The following GLYATL2 variants were observed in gnomAD, a reference collection of about 807,000 sequenced individuals.
GLYATL2 encodes the protein glycine-N-acyltransferase like 2, also known as glycine N-acyltransferase-like protein 2.
In GLYATL2, 25 loss-of-function variants were observed where a neutral mutation model predicts 21.4. The ratio of observed to expected loss-of-function variants is 1.17; its 90% CI spans 0.85 to 1.63. GLYATL2 has a LOEUF of 1.63. Ranked by LOEUF, GLYATL2 falls within the 40% of genes most tolerant of loss-of-function variation. GLYATL2 has a pLI of 0.00. For missense variants in GLYATL2, 361 were observed against 343.3 expected, an observed-to-expected ratio of 1.05 and a Z score of -0.41; for synonymous variants, 114 against 118.2, an observed-to-expected ratio of 0.96 and a Z score of 0.23.
intron 1 of GLYATL2, among the ~76,000 whole-genome samples, chr11:58,841,589 A>C (rs992012479): frequency 1.3e-5 from 2 of 152,232 alleles, no homozygotes; most frequent in African/African-American, 4.8e-5. Context: ...GCAACTTCAA[A>C]GATGGACTAC....
chr11:58,899,912 C>T (rs1011859588), intron 1 of GLYATL2, among the ~76,000 whole-genome samples: 8 of 152,036 alleles, frequency 5.3e-5, no homozygotes, highest in African/African-American at 1.9e-4. Context: ...CTCTTGCGTA[C>T]GGCAATAAGC....
chr11:58,875,329 A>T (rs1854208189), intron 1 of GLYATL2, among the ~76,000 whole-genome samples: 1 of 152,200 alleles, frequency 6.6e-6, no homozygotes, highest in Non-Finnish European at 1.5e-5. Context: ...TGATCCTGTC[A>T]TTATGACGTT....
chr11:58,869,358 A>ATGTTCTCATATGGTGC (rs1428839649), intron 1 of GLYATL2, among the ~76,000 whole-genome samples: 1 of 152,122 alleles, frequency 6.6e-6, no homozygotes, highest in African/African-American at 2.4e-5. Flanking sequence ...TTACTATGTG[A>ATGTTCTCATATGGTGC]TGTTCTCACA....
chr11:58,843,652 T>A (rs1853592490), intron 1 of GLYATL2, among the ~76,000 whole-genome samples: 1 of 151,884 alleles, frequency 6.6e-6, no homozygotes, highest in African/African-American at 2.4e-5. Flanking sequence ...ACCAATAAAG[T>A]AAGAAAATAT....
At chr11:58,898,787 C>T (rs996275078) in intron 1 of GLYATL2, among the ~76,000 whole-genome samples, 12 of 151,890 alleles carry the variant, frequency 7.9e-5, no homozygotes, top group Non-Finnish European at 1.8e-4. Context: ...GAGCCGAGAT[C>T]GCGCCACTGC....
chr11:58,896,781 C>A (rs963745814), intron 1 of GLYATL2, among the ~76,000 whole-genome samples: 4 of 152,110 alleles, frequency 2.6e-5, no homozygotes, highest in Non-Finnish European at 5.9e-5. Context: ...GCCCAGACTG[C>A]TCTTTGTTTT....
At chr11:58,846,256 G>C (rs1167876237), upstream of GLYATL2, among the ~76,000 whole-genome samples, 3 of 151,822 alleles carry the variant, frequency 2.0e-5, no homozygotes, top group Non-Finnish European at 2.9e-5. Flanking sequence ...GTTTATAATG[G>C]GGAGGAGAAG....
intron 4 of GLYATL2, 26 bp from the exon 5 acceptor site, chr11:58,837,203 C>T: frequency 1.2e-6 from 2 of 1,612,532 alleles, no homozygotes; most frequent in Non-Finnish European, 1.7e-6. Context: ...AGACAAGTAC[C>T]ACTTTATGCC....
chr11:58,869,783 A>G (rs1173301035), intron 1 of GLYATL2, among the ~76,000 whole-genome samples: 1 of 152,198 alleles, frequency 6.6e-6, no homozygotes, highest in Non-Finnish European at 1.5e-5. Flanking sequence ...TAAAAATAGA[A>G]ATGTCTTCAG....
At chr11:58,845,065 A>G (rs990016051), upstream of GLYATL2, among the ~76,000 whole-genome samples, 13 of 152,090 alleles carry the variant, frequency 8.5e-5, no homozygotes, top group Admixed American at 8.5e-4. Flanking sequence ...TTTCAGGGGG[A>G]CTGGAATTAG....
chr11:58,840,467 C>A (rs1853526594), intron 1 of GLYATL2, among the ~76,000 whole-genome samples: 1 of 152,016 alleles, frequency 6.6e-6, no homozygotes, highest in African/African-American at 2.4e-5. Context: ...AAAATGATGT[C>A]TTTGAAGAGT....
rs1438049608 is a variant in GLYATL2, at chr11:58,889,093, ATG to A, written n.60+15061_60+15062del. Among the ~76,000 whole-genome samples, 7 of 151,788 alleles carry A rather than the reference ATG, an allele frequency of 4.6e-5. 1 individual carries two copies. Among genetic ancestry groups the A allele is most frequent in the Non-Finnish European group, 8.8e-5 (6 of 67,846 alleles). On this transcript the variant is annotated intron_variant and non_coding_transcript_variant, in intron 1 of 4. Transcript: ENST00000533636. ...TTTTATTGTTTTCCTGTGGTAAACTATGTGATTTTCCATTAAGTTTACCCTTA... is the reference window on the plus strand; with the variant it reads ...TTTTATTGTTTTCCTGTGGTAAACTATGATTTTCCATTAAGTTTACCCTTA...
upstream of GLYATL2, among the ~76,000 whole-genome samples, chr11:58,846,019 A>G (rs1174498017): frequency 2.0e-5 from 3 of 151,988 alleles, no homozygotes; most frequent in East Asian, 5.8e-4. Context: ...AGAATTTTAC[A>G]TATTCATAAT....
chr11:58,859,441 A>G (rs923264626), intron 1 of GLYATL2, among the ~76,000 whole-genome samples: 1 of 152,152 alleles, frequency 6.6e-6, no homozygotes, highest in African/African-American at 2.4e-5. Context: ...AGAAAGATCT[A>G]TTCAGGGCCT....
intron 1 of GLYATL2, among the ~76,000 whole-genome samples, chr11:58,898,589 C>T (rs891624479): frequency 2.0e-5 from 3 of 151,850 alleles, no homozygotes; most frequent in African/African-American, 7.3e-5. Context: ...AATCCCAGCA[C>T]TTTCGGAGAC....
rs147036995 is a variant in GLYATL2, at chr11:58,867,311, G to A, written n.61-28943C>T. Among the ~76,000 whole-genome samples the A allele has an allele frequency of 2.0e-5, 3 of 149,154 alleles. 1 individual carries two copies. The Admixed American group carries it at 2.1e-4, about 10-fold the overall frequency. On this transcript the variant is annotated intron_variant and non_coding_transcript_variant, in intron 1 of 4. Transcript: ENST00000533636. ...TGTTCTACTCACAAGATCAGTACAG[G>A]AATTATAAAGCATTAATTCAGGGTG...
At position 58,898,002 on chromosome 11, in the gene GLYATL2, C is replaced by G. The variant is rs115094496; in HGVS notation, n.60+6154G>C. Among the ~76,000 whole-genome samples, 479 of 152,310 alleles carry G rather than the reference C, an allele frequency of 3.1e-3. 3 individuals are homozygous for G. Among genetic ancestry groups the G allele is most frequent in the Middle Eastern group, 0.02 (6 of 294 alleles). On this transcript the variant is annotated intron_variant and non_coding_transcript_variant, in intron 1 of 4. Transcript: ENST00000533636. ...TTTTTAAAAGAGGAAATTGCCTCCA[C>G]TATGGAGTCTTATTAATTCACTTAT...
intron 1 of GLYATL2, among the ~76,000 whole-genome samples, chr11:58,899,667 G>A (rs1368949977): frequency 6.6e-6 from 1 of 152,164 alleles, no homozygotes; most frequent in Non-Finnish European, 1.5e-5. Flanking sequence ...GGTTAGGGTT[G>A]CAGTCTGAGA....
chr11:58,873,664 G>T (rs1854168795), intron 1 of GLYATL2, among the ~76,000 whole-genome samples: 1 of 152,142 alleles, frequency 6.6e-6, no homozygotes, highest in Non-Finnish European at 1.5e-5. Context: ...TAAGCTTTTT[G>T]ATCTGTTGCT....
Sources: gnomAD v4.1 joint callset for allele counts (sites outside exome capture counted in the v4.1 genomes callset) on GRCh38, gnomAD v4.1.1 for gene constraint, MANE v1.5 for transcripts, NCBI Gene and HGNC (gene_info 2026-07-23, HGNC 2026-07-21) for gene names.